KAZN: variants seen among roughly 807,000 people sequenced by gnomAD.
KAZN encodes kazrin.
KAZN carries 40 observed loss-of-function variants against 87.4 expected under a neutral mutation model. That is an observed-to-expected ratio of 0.46 (90% confidence interval 0.36 to 0.60). The LOEUF is 0.60. KAZN is among the 20% of genes least tolerant of loss of function. The pLI is 0.00. For synonymous variants in KAZN, 466 were observed against 458.3 expected (o/e 1.02, Z -0.22); for missense variants, 898 against 1,073.9 (o/e 0.84, Z 2.29).
At chr1:14,126,979 G>A (rs538007664) in intron 1 of KAZN, among the ~76,000 whole-genome samples, 6 of 152,288 alleles carry the variant, frequency 3.9e-5, no homozygotes, top group African/African-American at 7.2e-5. Flanking sequence ...GGTGGTAGGC[G>A]CCTGTGATTC....
Position 15,070,555 on chromosome 1 carries a change from G to A in KAZN, c.1222+4802G>A, listed in dbSNP as rs568485660. On this transcript the variant is annotated intron_variant, in intron 8 of 14. Transcript: ENST00000376030. ...AGCATGAGCCTGCGGTCCAGGAGCC[G>A]CCCCGCACCTGTGACAAACGGTATC... Among the ~76,000 whole-genome samples the A allele has an allele frequency of 3.9e-3, 588 of 152,328 alleles. 2 individuals are homozygous for A. Among genetic ancestry groups the A allele is most frequent in the Middle Eastern group, 0.017 (5 of 294 alleles).
intron 1 of KAZN, among the ~76,000 whole-genome samples, chr1:14,036,263 A>C (rs531142408): frequency 6.6e-6 from 1 of 152,280 alleles, no homozygotes; most frequent in African/African-American, 2.4e-5. Context: ...GGTGGGAGGA[A>C]GGAGGCTGGG....
intron 2 of KAZN, among the ~76,000 whole-genome samples, chr1:14,368,785 C>A (rs936858861): frequency 6.6e-6 from 1 of 152,310 alleles, no homozygotes; most frequent in South Asian, 2.1e-4. Context: ...GCAACTCACT[C>A]AATTTACAGC....
At chr1:14,684,690 A>G (rs1426439531) in intron 1 of KAZN, among the ~76,000 whole-genome samples, 3 of 152,118 alleles carry the variant, frequency 2.0e-5, no homozygotes, top group Non-Finnish European at 4.4e-5. Context: ...CAAAGCCAAC[A>G]GTGTAGCATC....
At chr1:14,048,104 C>T (rs961863134) in intron 1 of KAZN, among the ~76,000 whole-genome samples, 1 of 152,192 alleles carries the variant, frequency 6.6e-6, no homozygotes, top group Non-Finnish European at 1.5e-5. Context: ...CTCTCTCTGC[C>T]TCATTTTTCT....
In KAZN at chr1:14,184,448, TTG is replaced by T. The variant is rs780063931; in HGVS notation, c.249+3860_249+3861del. On this transcript the variant is annotated intron_variant, in intron 2 of 16. Transcript: ENST00000636203. This position sits in a 1 kb window ranked among gnomAD's most constrained non-coding sequence, Gnocchi z 4.2. ...CCTTGTCTGTCTTTCTTTCTGTTAT[TTG>T]TGTTCGGGGAACTGGAAAGCACATT... is the stretch of plus-strand genomic sequence containing the variant. Among the ~76,000 whole-genome samples the T allele has an allele frequency of 3.3e-5, 5 of 152,272 alleles. No homozygotes were observed. The South Asian group carries it at 8.3e-4, about 25-fold the overall frequency.
chr1:14,219,490 T>G (rs1647044572), intron 2 of KAZN, among the ~76,000 whole-genome samples: 1 of 152,196 alleles, frequency 6.6e-6, no homozygotes, highest in African/African-American at 2.4e-5. Flanking sequence ...TATTAATTTC[T>G]CCAATAGGTT....
chr1:14,130,855 G>A (rs1187109410), intron 1 of KAZN, among the ~76,000 whole-genome samples: 1 of 142,070 alleles, frequency 7.0e-6, no homozygotes, highest in African/African-American at 2.7e-5. Context: ...CAGAGGGTAG[G>A]GAGATGGCAG....
chr1:14,068,604 T>C lies in KAZN; in HGVS notation c.92-111831T>C, dbSNP rs547324540. Among the ~76,000 whole-genome samples the C allele has an allele frequency of 2.6e-5, 4 of 152,254 alleles. No individual in the cohort carries two copies. The East Asian group carries it at 7.7e-4, about 29-fold the overall frequency. On this transcript the variant is annotated intron_variant, in intron 1 of 16. Coordinates refer to the KAZN transcript ENST00000636203. ...CTTAAATTGAATTTTGGGGACTGAG[T>C]AGGGTGCAAAGGCAGTATCATGGCT...
chr1:14,397,122 G>A (rs1050693914), intron 2 of KAZN, among the ~76,000 whole-genome samples: 1 of 152,096 alleles, frequency 6.6e-6, no homozygotes, highest in Admixed American at 6.5e-5. Context: ...CTCTCTCTCT[G>A]TAGCTATAGT....
intron 1 of KAZN, among the ~76,000 whole-genome samples, chr1:14,046,790 G>A (rs568370558): frequency 6.6e-6 from 1 of 152,222 alleles, no homozygotes; most frequent in African/African-American, 2.4e-5. Flanking sequence ...CTTCTCTCAA[G>A]GTCATCTGGC....
chr1:14,167,189 G>A lies in KAZN; in HGVS notation c.92-13246G>A, dbSNP rs376294346. ...TCTGGGATTATGCCCATGTATTATC[G>A]TCAAGGTCAGGGGACAGAGCAGGAA... is the stretch of plus-strand genomic sequence containing the variant. On this transcript the variant is annotated intron_variant, in intron 1 of 16. Transcript: ENST00000636203. 7.2e-4 allele frequency among the ~76,000 whole-genome samples: 109 copies of A among 152,298 alleles called. 1 individual carries two copies. The highest frequency in any genetic ancestry group is 6.8e-3 in the Middle Eastern group (2 of 294).
intron 1 of KAZN, among the ~76,000 whole-genome samples, chr1:13,932,666 AT>A (rs1432340767): frequency 1.3e-5 from 2 of 152,170 alleles, no homozygotes; most frequent in Non-Finnish European, 2.9e-5. Context: ...AGGGCATGAG[AT>A]AGTTGGCCAC....
chr1:14,418,886 G>A (rs1031152280), intron 2 of KAZN, among the ~76,000 whole-genome samples: 1 of 152,192 alleles, frequency 6.6e-6, no homozygotes, highest in African/African-American at 2.4e-5. Context: ...TGAAAATAAG[G>A]CTTCTGCATC....
intron 2 of KAZN, among the ~76,000 whole-genome samples, chr1:14,366,403 G>T (rs1659999015): frequency 6.6e-6 from 1 of 152,230 alleles, no homozygotes; most frequent in Admixed American, 6.5e-5. Context: ...GTCTTTCTCT[G>T]TATATAGGAA....
At chr1:13,915,578 G>A (rs1427977220) in intron 1 of KAZN, among the ~76,000 whole-genome samples, 3 of 152,172 alleles carry the variant, frequency 2.0e-5, no homozygotes, top group African/African-American at 7.2e-5. Flanking sequence ...CTGGGGCTGT[G>A]TGCACCAAGG....
In KAZN at chr1:15,094,277, C is replaced by T. The variant is rs749738796; in HGVS notation, c.1320C>T (p.Thr440=). 6.2e-7 allele frequency: 1 copy of T among 1,613,998 alleles called. No individual in the cohort carries two copies. The highest frequency in any genetic ancestry group is 1.1e-5 in the South Asian group (1 of 91,084). The change falls in exon 9 of 15, where the codon ACC becomes ACT. Residue 440 remains threonine (T), a synonymous_variant. Transcript: ENST00000376030. This position sits in a 1 kb window ranked among gnomAD's most constrained non-coding sequence, Gnocchi z 4.5. ...DRLQQVELVR[T]TPMSHWKAGT... is the part of the protein sequence containing the mutation. ...TGCAGCAGGTGGAGCTGGTGAGGACCACCCCTATGTCCCACTGGAAGGCGG... is the reference window on the plus strand; with the variant it reads ...TGCAGCAGGTGGAGCTGGTGAGGACTACCCCTATGTCCCACTGGAAGGCGG...
rs182420506 is a variant in KAZN at position 14,564,248 on chromosome 1, C to T, written c.250-34735C>T. On this transcript the variant is annotated intron_variant, in intron 2 of 16. Coordinates refer to the KAZN transcript ENST00000636203. ...TGAATGCCCTTCCACAGTTTGTCCACCTGGTCAACTCCTACTTACTTTCTT... is the reference window on the plus strand; with the variant it reads ...TGAATGCCCTTCCACAGTTTGTCCATCTGGTCAACTCCTACTTACTTTCTT... 1.4e-4 allele frequency among the ~76,000 whole-genome samples: 21 copies of T among 152,180 alleles called. No individual in the cohort carries two copies. In the East Asian group the frequency reaches 3.7e-3, roughly 27 times the overall value.
chr1:14,417,607 C>T (rs1028264545), intron 2 of KAZN, among the ~76,000 whole-genome samples: 1 of 152,150 alleles, frequency 6.6e-6, no homozygotes, highest in Non-Finnish European at 1.5e-5. Context: ...CAGGTGGCTA[C>T]TGTACGCACA....
Sources: gnomAD v4.1 joint callset for allele counts (sites outside exome capture counted in the v4.1 genomes callset) on GRCh38, gnomAD v4.1.1 for gene constraint, Gnocchi (gnomAD v3.1) non-coding constraint, MANE v1.5 for transcripts, NCBI Gene and HGNC (gene_info 2026-07-23, HGNC 2026-07-21) for gene names.